The following POP1 variants were observed in gnomAD, a reference collection of about 807,000 sequenced individuals.
POP1 encodes ribonucleases P/MRP protein subunit POP1.
POP1 carries 75 observed loss-of-function variants against 102.2 expected under a neutral mutation model. That is an observed-to-expected ratio of 0.73 (90% CI 0.61 to 0.89). The LOEUF is 0.89. Among genes scored for constraint, POP1 ranks in the 40% least tolerant of loss-of-function variants. POP1 has a pLI of 0.00. For synonymous variants in POP1, 436 were observed against 464.1 expected (o/e 0.94, Z 0.78); for missense variants, 1,116 against 1,267.4 (o/e 0.88, Z 1.81).
intron 5 of POP1, among the ~76,000 whole-genome samples, chr8:98,131,006 A>G (rs1359187291): frequency 6.6e-6 from 1 of 152,242 alleles, no homozygotes; most frequent in Admixed American, 6.5e-5. Flanking sequence ...CAGTGGCAGA[A>G]TGGCCTTGGC....
In POP1 at chr8:98,130,056, A is replaced by G. The variant is rs1224910871; in HGVS notation, c.565A>G (p.Thr189Ala). ...AGCTCGAAGATGTCACATGAACCGG[A>G]CGCTAGAATTTAACCGTAGACAAAA... is the stretch of plus-strand genomic sequence containing the variant. The part of the protein sequence containing the change: ...HKARRCHMNR[T>A]LEFNRRQKKN... Residue 189 changes from threonine to alanine, a missense_variant, in exon 5 of 16, where the codon ACG becomes GCG. By Grantham distance (58) the Thr-to-Ala change is moderately conservative. Coordinates refer to ENST00000401707, the MANE Select transcript of POP1 (RefSeq NM_001145860.2). The G allele has an allele frequency of 1.2e-6, 2 of 1,614,070 alleles. No individual in the cohort carries two copies. The highest frequency in any genetic ancestry group is 2.7e-5 in the African/African-American group (2 of 74,928).
intron 14 of POP1, among the ~76,000 whole-genome samples, chr8:98,152,024 C>T (rs1809525482): frequency 6.6e-6 from 1 of 152,062 alleles, no homozygotes; most frequent in South Asian, 2.1e-4. Flanking sequence ...GTGAGCCACC[C>T]TGCCTGGCCT....
At chr8:98,157,547 C>T in intron 15 of POP1, 70 bp from the exon 16 acceptor site, 1 of 1,540,988 alleles carries the variant, frequency 6.5e-7, no homozygotes, top group Non-Finnish European at 9.0e-7. Context: ...CTAGCAGTGT[C>T]TAATCTTCTG....
intron 11 of POP1, among the ~76,000 whole-genome samples, chr8:98,142,744 C>T (rs1358854078): frequency 1.3e-5 from 2 of 152,056 alleles, no homozygotes; most frequent in East Asian, 3.9e-4. Context: ...ATGACTTTCC[C>T]ATACTACCCA....
At chr8:98,150,449 G>A (rs1288795310) in intron 13 of POP1, 36 bp from the exon 14 acceptor site, 3 of 1,611,626 alleles carry the variant, frequency 1.9e-6, no homozygotes, top group African/African-American at 1.3e-5. Context: ...ACTTTAAGTT[G>A]GTAGACTGAC....
chr8:98,149,486 G>T (rs1809461899), intron 13 of POP1, among the ~76,000 whole-genome samples: 1 of 152,074 alleles, frequency 6.6e-6, no homozygotes, highest in African/African-American at 2.4e-5. Flanking sequence ...GCTGGGTGTG[G>T]TGGCTCACTC....
At position 98,122,511 on chromosome 8, in the gene POP1, G is replaced by A. The variant is rs1377628636; in HGVS notation, c.-2-825G>A. ...TTAGCAATGAAAGAGTTAATCACTG[G>A]TACCTTGGGGTTGAAGGGCTTCCAG... On this transcript the variant is annotated intron_variant, in intron 1 of 15. Transcript: ENST00000401707. 2.0e-5 allele frequency among the ~76,000 whole-genome samples: 3 copies of A among 152,268 alleles called. No individual in the cohort carries two copies. In the South Asian group the frequency reaches 6.2e-4, roughly 32 times the overall value.
At chr8:98,145,373 C>T (rs1484208628) in intron 11 of POP1, among the ~76,000 whole-genome samples, 1 of 152,120 alleles carries the variant, frequency 6.6e-6, no homozygotes, top group African/African-American at 2.4e-5. Context: ...CAGTTTAGAA[C>T]CATAACGCAA....
intron 1 of POP1, among the ~76,000 whole-genome samples, chr8:98,119,301 T>A (rs552349077): frequency 2.0e-5 from 3 of 152,366 alleles, no homozygotes; most frequent in South Asian, 2.1e-4. Flanking sequence ...CCTTTATTCT[T>A]AAGACAGATT....
intron 1 of POP1, among the ~76,000 whole-genome samples, chr8:98,122,434 C>T (rs972537081): frequency 4.6e-5 from 7 of 152,152 alleles, no homozygotes; most frequent in African/African-American, 1.7e-4. Flanking sequence ...CTGCTCTGAG[C>T]TTCCCTACCT....
In POP1 at chr8:98,127,738, C is replaced by A; in HGVS notation, c.286C>A (p.Gln96Lys). The A allele has an allele frequency of 6.2e-7, 1 of 1,614,058 alleles. No homozygotes were observed. Among genetic ancestry groups the A allele is most frequent in the Non-Finnish European group, 8.5e-7 (1 of 1,179,960 alleles). Reference protein sequence around the residue: ...GWKAGPEGTSQEIPKYITAST... With the variant: ...GWKAGPEGTSKEIPKYITAST... ...GAAAGCAGGTCCCGAGGGCACGTCT[C>A]AGGAGATCCCCAAGTATATAACTGG... Residue 96 changes from glutamine to lysine, a missense_variant, in exon 3 of 16, where the codon CAG (glutamine) becomes AAG (lysine). Transcript: ENST00000401707.
chr8:98,155,136 C>T (rs1374451524), intron 14 of POP1, among the ~76,000 whole-genome samples: 1 of 152,036 alleles, frequency 6.6e-6, no homozygotes, highest in African/African-American at 2.4e-5. Context: ...ACAGGAAAAT[C>T]GTGGCACAAC....
chr8:98,153,813 G>A (rs142943700), intron 14 of POP1, among the ~76,000 whole-genome samples: 10,725 of 152,148 alleles, frequency 0.07, 510 homozygotes, highest in Non-Finnish European at 0.11. Context: ...TGGGATTAGA[G>A]GTGTGAGTCA....
At chr8:98,146,824 C>G in intron 12 of POP1, 141 bp downstream of exon 12, 3 of 676,296 alleles carry the variant, frequency 4.4e-6, no homozygotes, top group South Asian at 1.6e-5. Context: ...TGATCCCTAA[C>G]TCATGATATG....
At chr8:98,137,017 A>G in intron 9 of POP1, 63 bp downstream of exon 9, 1 of 1,412,376 alleles carries the variant, frequency 7.1e-7, no homozygotes, top group Admixed American at 1.7e-5. Flanking sequence ...AATTTGTGAA[A>G]CCTAATATAT....
intron 5 of POP1, among the ~76,000 whole-genome samples, chr8:98,130,617 A>G (rs1256251651): frequency 6.6e-6 from 1 of 152,212 alleles, no homozygotes; most frequent in African/African-American, 2.4e-5. Flanking sequence ...GTGACAGAGA[A>G]GAAGAGAAGG....
intron 11 of POP1, among the ~76,000 whole-genome samples, chr8:98,145,090 TG>T (rs1249640661): frequency 6.6e-6 from 1 of 152,074 alleles, no homozygotes; most frequent in African/African-American, 2.4e-5. Flanking sequence ...GGTTTCGCCA[TG>T]TTGCCCAGGC....
chr8:98,127,502 C>T, intron 2 of POP1, 93 bp from the exon 3 acceptor site: 1 of 1,459,732 alleles, frequency 6.9e-7, no homozygotes, highest in Admixed American at 1.7e-5. Flanking sequence ...GGATTAAAAA[C>T]ATGGTCAATG....
rs372586948 is a variant in POP1, at chr8:98,123,296, G to T, written c.-2-40G>T. The T allele has an allele frequency of 4.7e-5, 75 of 1,601,732 alleles. No homozygotes were observed. In the African/African-American group the frequency reaches 4.7e-4, roughly 10 times the overall value. On this transcript the variant is annotated intron_variant, in intron 1 of 15. Coordinates refer to ENST00000401707, the MANE Select transcript of POP1 (RefSeq NM_001145860.2). ...AATTTATTTTTATTTTTGAGTGGAA[G>T]TTTCCTTTCCCTGTATTAAATGTAT... is the stretch of plus-strand genomic sequence containing the variant.
Sources: gnomAD v4.1 joint callset for allele counts (sites outside exome capture counted in the v4.1 genomes callset) on GRCh38, gnomAD v4.1.1 for gene constraint, MANE v1.5 for transcripts, NCBI Gene and HGNC (gene_info 2026-07-23, HGNC 2026-07-21) for gene names.